MEIS1: variants seen among roughly 807,000 people sequenced by gnomAD.
MEIS1 encodes Meis homeobox 1.
Under a neutral mutation model 50.8 loss-of-function variants are expected in MEIS1, and 5 were observed. That is an observed-to-expected ratio of 0.10 (90% confidence interval 0.05 to 0.21). The LOEUF is 0.21. Among genes scored for constraint, MEIS1 ranks in the 10% least tolerant of loss-of-function variants. The pLI is 1.00. For missense variants in MEIS1, 318 were observed against 517.3 expected, an observed-to-expected ratio of 0.61 and a Z score of 3.74; for synonymous variants, 176 against 179.3, an observed-to-expected ratio of 0.98 and a Z score of 0.15.
intron 7 of MEIS1, among the ~76,000 whole-genome samples, 185 bp downstream of exon 7, chr2:66,464,405 G>A (rs1183811538): frequency 6.6e-6 from 1 of 152,144 alleles, no homozygotes; most frequent in African/African-American, 2.4e-5. Context: ...CTGCTTAACT[G>A]TCTGTCACCT....
chr2:66,478,831 C>A (rs13430245), intron 7 of MEIS1, among the ~76,000 whole-genome samples: 14,346 of 152,072 alleles, frequency 0.094, 1,301 homozygotes, highest in African/African-American at 0.24. Context: ...CACAAAATTG[C>A]CTTTAAATAG....
intron 7 of MEIS1, among the ~76,000 whole-genome samples, chr2:66,508,072 G>C (rs1673727079): frequency 6.6e-6 from 1 of 152,210 alleles, no homozygotes; most frequent in South Asian, 2.1e-4. Flanking sequence ...AATGGCCCAC[G>C]CTGAAAGGTT....
At chr2:66,508,119 C>G (rs1048981015) in intron 7 of MEIS1, among the ~76,000 whole-genome samples, 1 of 152,202 alleles carries the variant, frequency 6.6e-6, no homozygotes, top group African/African-American at 2.4e-5. Context: ...TTTGATAGCT[C>G]GGAAACTGAA....
At chr2:66,542,480 G>T (rs923639289) in intron 8 of MEIS1, among the ~76,000 whole-genome samples, 9 of 152,138 alleles carry the variant, frequency 5.9e-5, no homozygotes, top group African/African-American at 2.2e-4. Context: ...GCTTATATTG[G>T]ACAGTTGCCA....
At chr2:66,459,431 T>A (rs1305774426) in intron 6 of MEIS1, among the ~76,000 whole-genome samples, 2 of 152,162 alleles carry the variant, frequency 1.3e-5, no homozygotes, top group African/African-American at 4.8e-5. Flanking sequence ...AGTCCATTCA[T>A]TCAACAAATG....
intron 7 of MEIS1, among the ~76,000 whole-genome samples, chr2:66,471,556 A>G (rs1573155618): frequency 6.6e-6 from 1 of 152,368 alleles, no homozygotes; most frequent in East Asian, 1.9e-4. Flanking sequence ...TTATACACCA[A>G]TTCTTTTATT....
intron 6 of MEIS1, chr2:66,461,863 T>A: frequency 4.3e-6 from 2 of 470,476 alleles, no homozygotes; most frequent in Non-Finnish European, 8.8e-6. Flanking sequence ...AAGTGGTGGA[T>A]GAAGAAAAAT....
At chr2:66,531,343 G>GTGA (rs991262810) in intron 8 of MEIS1, among the ~76,000 whole-genome samples, 1 of 152,236 alleles carries the variant, frequency 6.6e-6, no homozygotes, top group Non-Finnish European at 1.5e-5. Context: ...TTAGCTCAGT[G>GTGA]TGATCATCAG....
At chr2:66,437,301 T>C (rs1428227954) in intron 1 of MEIS1, 1 of 155,138 alleles carries the variant, frequency 6.4e-6, no homozygotes, top group Non-Finnish European at 1.4e-5. Context: ...TTTTTTTTAA[T>C]TCCCCCTGAT....
At chr2:66,440,404 C>A in intron 3 of MEIS1, 158 bp from the exon 4 acceptor site, 2 of 679,120 alleles carry the variant, frequency 2.9e-6, no homozygotes, top group Non-Finnish European at 5.3e-6. Flanking sequence ...AATGTTTCTG[C>A]GCGGGACGAA....
At chr2:66,546,224 T>A (rs916634583) in intron 8 of MEIS1, among the ~76,000 whole-genome samples, 10 of 152,110 alleles carry the variant, frequency 6.6e-5, no homozygotes, top group African/African-American at 2.4e-4. Flanking sequence ...AAGCTGAACA[T>A]TTGAGCTGAG....
chr2:66,439,306 C>T, intron 2 of MEIS1: 2 of 1,124,190 alleles, frequency 1.8e-6, no homozygotes, highest in Non-Finnish European at 2.2e-6. Flanking sequence ...GGGTTGGGAT[C>T]CCTAGGTGCA....
chr2:66,437,813 C>G lies in MEIS1; in HGVS notation c.89C>G (p.Ala30Gly), dbSNP rs781181478. 1 of 1,613,888 alleles carries G rather than the reference C, an allele frequency of 6.2e-7. No individual in the cohort carries two copies. Among genetic ancestry groups the G allele is most frequent in the Non-Finnish European group, 8.5e-7 (1 of 1,179,898 alleles). The change falls in exon 2 of 13, where the codon GCC (alanine) becomes GGC (glycine). Residue 30 changes from alanine (A) to glycine (G), a missense_variant. Physicochemically the swap from Ala to Gly is moderately conservative, Grantham distance 60. This residue lies in a region of MEIS1 where 100 missense variants were observed against 107.1 expected (regional missense o/e 0.93). Coordinates refer to ENST00000272369, the MANE Select transcript of MEIS1 (RefSeq NM_002398.3). ...PSTMYGDPHA[A>G]RSMQPVHHLN... The stretch of plus-strand genomic sequence containing the variant: ...ACGATGTATGGGGACCCGCATGCAG[C>G]CAGGTCCATGCAGCCGGTCCACCAC...
intron 7 of MEIS1, among the ~76,000 whole-genome samples, chr2:66,500,136 A>G (rs966707994): frequency 2.6e-5 from 4 of 152,200 alleles, no homozygotes; most frequent in African/African-American, 4.8e-5. Context: ...CTGTTCTTCA[A>G]TTGAGGGTCT....
intron 7 of MEIS1, among the ~76,000 whole-genome samples, chr2:66,468,372 C>T (rs1004692824): frequency 2.0e-5 from 3 of 152,166 alleles, no homozygotes; most frequent in Non-Finnish European, 2.9e-5. Context: ...GCTTCAGCTA[C>T]GATTGACCAC....
intron 12 of MEIS1, chr2:66,570,426 A>C (rs1011092654): frequency 6.6e-6 from 1 of 152,196 alleles, no homozygotes; most frequent in South Asian, 2.1e-4. Context: ...AATTTTCATT[A>C]GTTCAAAAAT....
intron 8 of MEIS1, among the ~76,000 whole-genome samples, chr2:66,543,957 T>C (rs997152): frequency 6.6e-6 from 1 of 152,236 alleles, no homozygotes; most frequent in East Asian, 1.9e-4. Flanking sequence ...GTGCCATCCA[T>C]CTTGCCTTCA....
intron 8 of MEIS1, among the ~76,000 whole-genome samples, chr2:66,541,722 G>A (rs1674656707): frequency 6.6e-6 from 1 of 152,194 alleles, no homozygotes; most frequent in Non-Finnish European, 1.5e-5. Flanking sequence ...TACTGATGAT[G>A]CTCCAAACAT....
chr2:66,537,680 A>G (rs1558555446), intron 8 of MEIS1, among the ~76,000 whole-genome samples: 2 of 152,242 alleles, frequency 1.3e-5, no homozygotes, highest in African/African-American at 2.4e-5. Context: ...TGTAAAGGCA[A>G]TAATGATTGC....
Sources: allele counts gnomAD v4.1 joint callset (sites outside exome capture counted in the v4.1 genomes callset), GRCh38; gene constraint gnomAD v4.1.1; regional missense constraint gnomAD v4.1.1; transcripts MANE v1.5; gene names NCBI Gene and HGNC (gene_info 2026-07-23, HGNC 2026-07-21).